TMEM232: variants seen among roughly 807,000 people sequenced by gnomAD.
The protein encoded by TMEM232 is transmembrane protein 232.
TMEM232 carries 80 observed loss-of-function variants against 78.8 expected under a neutral mutation model. That is an observed-to-expected ratio of 1.01 (90% confidence interval 0.85 to 1.22). The LOEUF (loss-of-function observed/expected upper bound fraction) is 1.22. Among genes scored for constraint, TMEM232 ranks in the 50% most tolerant of loss-of-function variants. TMEM232 has a pLI of 0.00. For missense variants in TMEM232, 881 were observed against 742.2 expected (o/e 1.19, Z -2.17); for synonymous variants, 297 against 254.3 (o/e 1.17, Z -1.60).
At chr5:110,464,306 T>C (rs1761846074) in intron 12 of TMEM232, among the ~76,000 whole-genome samples, 1 of 152,202 alleles carries the variant, frequency 6.6e-6, no homozygotes, top group South Asian at 2.1e-4. Context: ...AAATAAAGTC[T>C]TGTATTGTTT....
chr5:110,461,245 C>T (rs1027755915), intron 12 of TMEM232, among the ~76,000 whole-genome samples: 5 of 149,618 alleles, frequency 3.3e-5, no homozygotes, highest in Non-Finnish European at 7.4e-5. Context: ...CTAGTGAGCA[C>T]ATGAATGATT....
At chr5:110,501,993 G>A (rs1049299966) in intron 12 of TMEM232, among the ~76,000 whole-genome samples, 1 of 152,052 alleles carries the variant, frequency 6.6e-6, no homozygotes, top group South Asian at 2.1e-4. Context: ...GAAAAGAGAT[G>A]ATTATCACAG....
chr5:110,699,774 C>G (rs1420607576), intron 1 of TMEM232, among the ~76,000 whole-genome samples: 4 of 152,018 alleles, frequency 2.6e-5, no homozygotes, highest in Admixed American at 1.3e-4. Flanking sequence ...AGATTTTCTT[C>G]ACTCCCTCCT....
chr5:110,627,473 C>T (rs146358792), intron 6 of TMEM232, among the ~76,000 whole-genome samples: 168 of 151,948 alleles, frequency 1.1e-3, no homozygotes, highest in African/African-American at 3.9e-3. Context: ...GGAATAAGGT[C>T]TAGTGATCTA....
At chr5:110,732,510 C>T (rs1798778386) in intron 2 of TMEM232, among the ~76,000 whole-genome samples, 1 of 152,190 alleles carries the variant, frequency 6.6e-6, no homozygotes. Context: ...AAAGGCACTT[C>T]TTACATGACA....
intron 1 of TMEM232, among the ~76,000 whole-genome samples, chr5:110,691,085 G>A (rs552670659): frequency 7.4e-5 from 11 of 148,718 alleles, no homozygotes; most frequent in Non-Finnish European, 1.6e-4. Flanking sequence ...CATGACACGT[G>A]CATACCTATG....
At chr5:110,613,552 G>A (rs2149869280) in intron 8 of TMEM232, among the ~76,000 whole-genome samples, 1 of 152,152 alleles carries the variant, frequency 6.6e-6, no homozygotes, top group East Asian at 1.9e-4. Context: ...TGAACTTTAG[G>A]TGTTAAACCA....
At chr5:110,573,983 T>C (rs571580650) in intron 10 of TMEM232, among the ~76,000 whole-genome samples, 3 of 152,210 alleles carry the variant, frequency 2.0e-5, no homozygotes, top group South Asian at 2.1e-4. Context: ...TTGTGGGCCA[T>C]GGAAAAGAGT....
chr5:110,650,859 T>G (rs1230712167), intron 2 of TMEM232, among the ~76,000 whole-genome samples: 2 of 152,116 alleles, frequency 1.3e-5, no homozygotes, highest in Non-Finnish European at 2.9e-5. Flanking sequence ...TTGCGACAAA[T>G]GTATCATACT....
intron 2 of TMEM232, among the ~76,000 whole-genome samples, chr5:110,645,285 T>C (rs1787323265): frequency 1.3e-5 from 2 of 151,506 alleles, no homozygotes; most frequent in African/African-American, 4.8e-5. Flanking sequence ...AAGAAAACTA[T>C]AGGCCAAAGT....
intron 4 of TMEM232, among the ~76,000 whole-genome samples, chr5:110,390,200 A>G (rs1755129375): frequency 6.6e-6 from 1 of 152,142 alleles, no homozygotes; most frequent in South Asian, 2.1e-4. Context: ...TTATTTCTCT[A>G]TCAAACATCA....
intron 12 of TMEM232, among the ~76,000 whole-genome samples, chr5:110,484,196 T>A (rs979157394): frequency 6.6e-6 from 1 of 152,002 alleles, no homozygotes; most frequent in Non-Finnish European, 1.5e-5. Flanking sequence ...AACTAATGAT[T>A]AGGACTATGC....
At chr5:110,418,613 G>GTTACT (rs931571826), downstream of TMEM232, among the ~76,000 whole-genome samples, 15 of 151,766 alleles carry the variant, frequency 9.9e-5, no homozygotes, top group Non-Finnish European at 1.8e-4. Flanking sequence ...CATAAAAAGG[G>GTTACT]TTACTTTAAA....
chr5:110,404,105 C>T (rs777060212), intron 2 of TMEM232, among the ~76,000 whole-genome samples: 5 of 151,920 alleles, frequency 3.3e-5, no homozygotes, highest in East Asian at 1.9e-4. Flanking sequence ...CTTCCCATCT[C>T]GCCATTTTTA....
rs1214070870 is a variant in TMEM232 at position 110,568,464 on chromosome 5, C to T, written c.1438G>A (p.Ala480Thr). 3 of 1,546,420 alleles carry T rather than the reference C, an allele frequency of 1.9e-6. No individual in the cohort carries two copies. The highest frequency in any genetic ancestry group is 2.0e-5 in the Admixed American group (1 of 50,020). ...TACCTTACCTGAGCTATATTGATTG[C>T]ATTTTGGATTCGTACATCTTCCTCA... ...DYEEDVRIQN[A>T]INIAQAELND... Residue 480 changes from alanine (A) to threonine (T), a missense_variant, in exon 11 of 14, where the codon GCA (alanine) becomes ACA (threonine). Physicochemically the swap from Ala to Thr is moderately conservative, Grantham distance 58. Transcript: ENST00000455884.
chr5:110,530,461 T>C (rs1771282889), intron 11 of TMEM232, among the ~76,000 whole-genome samples: 1 of 152,200 alleles, frequency 6.6e-6, no homozygotes, highest in Non-Finnish European at 1.5e-5. Flanking sequence ...ATAGCCAAGC[T>C]ATGAAATCAA....
chr5:110,632,179 T>C (rs1785212921), intron 5 of TMEM232, among the ~76,000 whole-genome samples: 1 of 152,092 alleles, frequency 6.6e-6, no homozygotes, highest in South Asian at 2.1e-4. Flanking sequence ...ACTGCACTAT[T>C]GCATGTACTC....
At position 110,605,054 on chromosome 5, in the gene TMEM232, G is replaced by A. The variant is rs982014113; in HGVS notation, c.1276+55C>T. 3.3e-5 allele frequency: 48 copies of A among 1,444,390 alleles called. No homozygotes were observed. In the South Asian group the frequency reaches 5.7e-4, roughly 17 times the overall value. 89.5% of individuals were successfully genotyped at this position (1,444,390 alleles called of 1,614,324 possible). On this transcript the variant is annotated intron_variant, in intron 10 of 13. Transcript: ENST00000455884. ...TTGAGTAGAATGCTTATTACTATAT[G>A]TAGACAGTGACACTTAAAAATATTA...
chr5:110,426,061 G>T (rs1428954475), intron 12 of TMEM232, among the ~76,000 whole-genome samples: 3 of 151,878 alleles, frequency 2.0e-5, no homozygotes, highest in Non-Finnish European at 4.4e-5. Flanking sequence ...CTGGAATGTA[G>T]GTTGTTCCAT....
Sources: gnomAD v4.1 joint callset for allele counts (sites outside exome capture counted in the v4.1 genomes callset) on GRCh38, gnomAD v4.1.1 for gene constraint, MANE v1.5 for transcripts, NCBI Gene and HGNC (gene_info 2026-07-23, HGNC 2026-07-21) for gene names.